The following LRRC49 variants were observed in gnomAD, a reference collection of about 807,000 sequenced individuals.
LRRC49 encodes the protein leucine rich repeat containing 49, also known as leucine-rich repeat-containing protein 49.
In LRRC49, 50 loss-of-function variants were observed where a neutral mutation model predicts 83.3. That is an observed-to-expected ratio of 0.60 (90% CI 0.48 to 0.76). The LOEUF (loss-of-function observed/expected upper bound fraction) is 0.76, where lower values mean the gene tolerates loss of function less well. Among genes scored for constraint, LRRC49 ranks in the 30% least tolerant of loss-of-function variants. The pLI is 0.00. For missense variants in LRRC49, 704 were observed against 809.1 expected, an observed-to-expected ratio of 0.87 and a Z score of 1.58; for synonymous variants, 286 against 283.3, an observed-to-expected ratio of 1.01 and a Z score of -0.10.
At chr15:71,035,137 A>G (rs1277797661) in intron 14 of LRRC49, among the ~76,000 whole-genome samples, 1 of 152,124 alleles carries the variant, frequency 6.6e-6, no homozygotes, top group Non-Finnish European at 1.5e-5. Context: ...AGAGGAACCA[A>G]TTAAGTAAAT....
chr15:71,015,334 C>T (rs961395169), intron 14 of LRRC49, among the ~76,000 whole-genome samples: 1 of 152,116 alleles, frequency 6.6e-6, no homozygotes, highest in East Asian at 1.9e-4. Flanking sequence ...GACAATTTTG[C>T]CATGGACGGT....
chr15:70,858,159 A>T (rs893235908), intron 1 of LRRC49, among the ~76,000 whole-genome samples: 1 of 152,218 alleles, frequency 6.6e-6, no homozygotes, highest in Non-Finnish European at 1.5e-5. Context: ...TTTTTTCTAG[A>T]TGCCATACTC....
At chr15:71,033,944 T>C (rs1167924057) in intron 14 of LRRC49, among the ~76,000 whole-genome samples, 1 of 151,966 alleles carries the variant, frequency 6.6e-6, no homozygotes, top group South Asian at 2.1e-4. Flanking sequence ...TAGAAGAAAA[T>C]CTAGGCAATA....
At chr15:70,942,348 G>GGGT (rs2141166905) in intron 8 of LRRC49, among the ~76,000 whole-genome samples, 1 of 152,208 alleles carries the variant, frequency 6.6e-6, no homozygotes, top group African/African-American at 2.4e-5. Context: ...ATTACATACT[G>GGGT]GGTGGTGTTC....
chr15:70,976,544 A>G (rs2037212841), intron 9 of LRRC49, among the ~76,000 whole-genome samples: 1 of 152,146 alleles, frequency 6.6e-6, no homozygotes, highest in Non-Finnish European at 1.5e-5. Flanking sequence ...TTTAGGCCTT[A>G]ATATCTGCTA....
chr15:71,034,202 C>A (rs540090890), intron 14 of LRRC49, among the ~76,000 whole-genome samples: 22 of 152,166 alleles, frequency 1.4e-4, no homozygotes, highest in Non-Finnish European at 1.8e-4. Context: ...AAAAAACAAA[C>A]CCCATCAAAA....
Position 70,981,554 on chromosome 15 carries a change from G to A in LRRC49, c.1005+1370G>A, listed in dbSNP as rs535756188. Among the ~76,000 whole-genome samples the A allele has an allele frequency of 2.6e-5, 4 of 151,822 alleles. No individual in the cohort carries two copies. In the East Asian group the frequency reaches 7.8e-4, roughly 29 times the overall value. ...AGAAAATGGAATGGATTGGTTACAGGAAGAGTGTATAGATACTGTCTTCTG... is the reference window on the plus strand; with the variant it reads ...AGAAAATGGAATGGATTGGTTACAGAAAGAGTGTATAGATACTGTCTTCTG... On this transcript the variant is annotated intron_variant, in intron 10 of 15. Transcript: ENST00000260382.
upstream of LRRC49, among the ~76,000 whole-genome samples, chr15:70,888,400 T>C (rs538352565): frequency 8.5e-5 from 13 of 152,308 alleles, no homozygotes; most frequent in African/African-American, 3.1e-4. Flanking sequence ...AAAGTTGACA[T>C]TGCAAGGCCA....
At chr15:70,908,806 A>C (rs192140404) in intron 5 of LRRC49, 1 of 152,398 alleles carries the variant, frequency 6.6e-6, no homozygotes, top group East Asian at 1.9e-4. Flanking sequence ...TTCCTGAACA[A>C]AGATGAGGTT....
chr15:70,893,369 C>T (rs1378922217), intron 1 of LRRC49: 11 of 584,424 alleles, frequency 1.9e-5, no homozygotes, highest in Non-Finnish European at 2.7e-5. Context: ...AAATTGCTGC[C>T]GACATTTTGG....
intron 9 of LRRC49, among the ~76,000 whole-genome samples, chr15:70,969,115 G>T (rs1164929326): frequency 6.6e-6 from 1 of 152,110 alleles, no homozygotes; most frequent in African/African-American, 2.4e-5. Context: ...CATGGTTTTA[G>T]GTCTTAAGTT....
intron 11 of LRRC49, among the ~76,000 whole-genome samples, chr15:71,005,418 T>G (rs549617423): frequency 5.3e-4 from 80 of 152,286 alleles, no homozygotes; most frequent in African/African-American, 1.7e-3. Context: ...GAGAGCTCTT[T>G]GAGGGCAAAT....
intron 7 of LRRC49, among the ~76,000 whole-genome samples, chr15:70,929,902 T>G (rs2035344143): frequency 6.6e-6 from 1 of 152,216 alleles, no homozygotes; most frequent in Non-Finnish European, 1.5e-5. Flanking sequence ...CACTTTTAGT[T>G]CTAGTTCTTT....
At chr15:70,872,205 C>A (rs1181604668) in intron 1 of LRRC49, among the ~76,000 whole-genome samples, 1 of 152,248 alleles carries the variant, frequency 6.6e-6, no homozygotes, top group Non-Finnish European at 1.5e-5. Context: ...ACCAGCCCGG[C>A]CAACACGGCG....
At chr15:70,866,621 A>G (rs1036867653) in intron 1 of LRRC49, among the ~76,000 whole-genome samples, 1 of 152,098 alleles carries the variant, frequency 6.6e-6, no homozygotes, top group Admixed American at 6.5e-5. Flanking sequence ...TCAAATTAAG[A>G]CCTTAACTTC....
At chr15:70,979,250 G>A (rs892010605) in intron 9 of LRRC49, among the ~76,000 whole-genome samples, 3 of 152,046 alleles carry the variant, frequency 2.0e-5, no homozygotes. Context: ...TTTGAGTTAG[G>A]TGTTTGGGAT....
chr15:70,963,901 A>T lies in LRRC49; in HGVS notation c.890A>T (p.Gln297Leu). The change falls in exon 9 of 16, where the codon CAG becomes CTG. Residue 297 changes from glutamine (Q) to leucine (L), a missense_variant. Transcript: ENST00000260382. ...CACACTGTCCTTCAGAATATGATGC[A>T]GCTGCGCCAGCTAGATATGAAGAGA... ...YKHTVLQNMM[Q>L]LRQLDMKRIT... is the part of the protein sequence containing the mutation. 5 of 1,613,392 alleles carry T rather than the reference A, an allele frequency of 3.1e-6. No individual in the cohort carries two copies. In the South Asian group the frequency reaches 5.5e-5, roughly 18 times the overall value.
intron 11 of LRRC49, among the ~76,000 whole-genome samples, chr15:71,007,379 T>G (rs545706188): frequency 2.6e-3 from 394 of 152,054 alleles, no homozygotes; most frequent in Non-Finnish European, 3.9e-3. Context: ...CATAAAATTG[T>G]AATATAGTTA....
chr15:70,900,350 A>G (rs1595995969), intron 3 of LRRC49: 1 of 408,966 alleles, frequency 2.4e-6, no homozygotes, highest in South Asian at 1.9e-5. Flanking sequence ...TTCTCTACTA[A>G]TAGTGGCTGA....
Sources: allele counts gnomAD v4.1 joint callset (sites outside exome capture counted in the v4.1 genomes callset), GRCh38; gene constraint gnomAD v4.1.1; transcripts MANE v1.5; gene names NCBI Gene and HGNC (gene_info 2026-07-23, HGNC 2026-07-21).